BIRC6: variants seen among roughly 807,000 people sequenced by gnomAD.
BIRC6 encodes dual E2 ubiquitin-conjugating enzyme/E3 ubiquitin-protein ligase BIRC6.
In BIRC6, 98 loss-of-function variants were observed where a neutral mutation model predicts 503.3. That is an observed-to-expected ratio of 0.19 (90% CI 0.17 to 0.23). The LOEUF (loss-of-function observed/expected upper bound fraction) is 0.23, where lower values mean the gene tolerates loss of function less well. BIRC6 is among the 10% of genes least tolerant of loss of function. The pLI, the probability that BIRC6 is intolerant of heterozygous loss-of-function variation, is 1.00. For missense variants in BIRC6, 5,360 were observed against 5,806.0 expected (o/e 0.92, Z 2.50); for synonymous variants, 2,240 against 2,078.7 (o/e 1.08, Z -2.11).
intron 10 of BIRC6, among the ~76,000 whole-genome samples, chr2:32,423,327 A>G (rs1365276602): frequency 2.6e-5 from 4 of 152,014 alleles, no homozygotes; most frequent in African/African-American, 9.7e-5. Context: ...GAGGTTTACT[A>G]TTTTAACTGT....
intron 9 of BIRC6, among the ~76,000 whole-genome samples, chr2:32,410,375 C>T (rs2041730303): frequency 6.6e-6 from 1 of 152,230 alleles, no homozygotes; most frequent in South Asian, 2.1e-4. Context: ...AGAAAATATA[C>T]ATGAATATTG....
intron 9 of BIRC6, among the ~76,000 whole-genome samples, chr2:32,410,105 G>A (rs115836624): frequency 0.03 from 4,556 of 152,178 alleles, 130 homozygotes; most frequent in African/African-American, 0.082. Context: ...TTTTGTCATA[G>A]TATATACATA....
At position 32,508,096 on chromosome 2, in the gene BIRC6, G is replaced by A. The variant is rs2053986682; in HGVS notation, c.9817G>A (p.Glu3273Lys). The A allele has an allele frequency of 1.9e-6, 3 of 1,613,796 alleles. No individual in the cohort carries two copies. Among genetic ancestry groups the A allele is most frequent in the Middle Eastern group, 1.6e-4 (1 of 6,062 alleles). ...TYIKIQLVKA[E>K]VASAVCLRLH... The stretch of plus-strand genomic sequence containing the variant: ...CATAAAAATTCAGCTTGTAAAAGCC[G>A]AAGTAGCTTCTGCTGTCTGCCTTAG... The change falls in exon 51 of 74, where the codon GAA becomes AAA. Residue 3273 changes from glutamate to lysine, a missense_variant. Physicochemically the swap from Glu to Lys is moderately conservative, Grantham distance 56 (BLOSUM62 1). Around this residue, in one of 16 missense-constraint regions of BIRC6, gnomAD observed 62 missense variants for 107.4 expected, o/e 0.58. Coordinates refer to ENST00000421745, the MANE Select transcript of BIRC6 (RefSeq NM_016252.4).
At chr2:32,575,050 G>C in intron 65 of BIRC6, 106 bp from the exon 66 acceptor site, 4 of 1,228,092 alleles carry the variant, frequency 3.3e-6, no homozygotes, top group Middle Eastern at 2.1e-4. Flanking sequence ...GCCCAGCCGG[G>C]TCAGCTGTGG....
chr2:32,524,431 TCTTGAG>T (rs2056074622), intron 57 of BIRC6, among the ~76,000 whole-genome samples: 2 of 152,230 alleles, frequency 1.3e-5, no homozygotes, highest in Non-Finnish European at 2.9e-5. Flanking sequence ...ATAGACTGAA[TCTTGAG>T]CTTGAGTCCC....
At chr2:32,611,911 G>T (rs1258953299) in intron 73 of BIRC6, among the ~76,000 whole-genome samples, 2 of 151,960 alleles carry the variant, frequency 1.3e-5, no homozygotes, top group Non-Finnish European at 2.9e-5. Context: ...ATTTCATTCT[G>T]TTGTCCCAGC....
chr2:32,361,768 G>A (rs1194934770), intron 1 of BIRC6, among the ~76,000 whole-genome samples: 1 of 151,900 alleles, frequency 6.6e-6, no homozygotes, highest in Non-Finnish European at 1.5e-5. Flanking sequence ...GCCTTATTCA[G>A]AATGTCATAG....
chr2:32,463,011 A>G (rs2148859555), intron 23 of BIRC6, among the ~76,000 whole-genome samples, 183 bp from the exon 24 acceptor site: 1 of 151,742 alleles, frequency 6.6e-6, no homozygotes, highest in East Asian at 1.9e-4. Context: ...TGATAGTATT[A>G]TCAATATACT....
chr2:32,543,787 A>C (rs2057850372), intron 62 of BIRC6, among the ~76,000 whole-genome samples: 1 of 152,100 alleles, frequency 6.6e-6, no homozygotes, highest in Admixed American at 6.5e-5. Context: ...CACTGGGGGG[A>C]TGTAAACATG....
At chr2:32,394,859 AAAC>A (rs1346524020) in intron 5 of BIRC6, among the ~76,000 whole-genome samples, 5 of 152,090 alleles carry the variant, frequency 3.3e-5, no homozygotes, top group South Asian at 2.1e-4. Flanking sequence ...CTCTTTAAAA[AAAC>A]AACAAGAGGC....
chr2:32,605,367 G>A (rs1467030763), intron 71 of BIRC6, among the ~76,000 whole-genome samples: 1 of 152,080 alleles, frequency 6.6e-6, no homozygotes, highest in Non-Finnish European at 1.5e-5. Flanking sequence ...AAACCATATT[G>A]TGTCTCAAAG....
At chr2:32,411,173 G>A (rs1435151911) in intron 9 of BIRC6, among the ~76,000 whole-genome samples, 3 of 151,610 alleles carry the variant, frequency 2.0e-5, no homozygotes, top group Non-Finnish European at 4.4e-5. Flanking sequence ...CCAGTAGCTG[G>A]TATTACAGGC....
At chr2:32,465,185 A>ATTTTTTTTTTT in intron 26 of BIRC6, 21 bp downstream of exon 26, 4 of 847,166 alleles carry the variant, frequency 4.7e-6, no homozygotes, top group South Asian at 4.5e-5. Flanking sequence ...ACTTTCTTAA[A>ATTTTTTTTTTT]TTTTTTTTTT....
At chr2:32,616,560 CAAAAAAAAAAAA>C (rs201587938) in intron 73 of BIRC6, among the ~76,000 whole-genome samples, 1 of 99,126 alleles carries the variant, frequency 1.0e-5, no homozygotes, top group Non-Finnish European at 2.0e-5. Context: ...ACCTTGTTCT[CAAAAAAAAAAAA>C]AAAAAAAAAA....
In BIRC6 at chr2:32,482,697, C is replaced by T. The variant is rs76163660; in HGVS notation, c.7696+115C>T. Reference sequence around the variant, plus strand: ...GGGTGTATGCCAGTGGGTTTAGTATCACAGCTGTGCCGTGAGTACCATTCA... The same window carrying T: ...GGGTGTATGCCAGTGGGTTTAGTATTACAGCTGTGCCGTGAGTACCATTCA... On this transcript the variant is annotated intron_variant, in intron 39 of 73. Transcript: ENST00000421745. The T allele has an allele frequency of 3.2e-5, 35 of 1,090,534 alleles. No homozygotes were observed. In the East Asian group the frequency reaches 8.0e-4, roughly 25 times the overall value. The allele number at this position is 1,090,534 out of a possible 1,614,324, so 67.6% of individuals were successfully genotyped here. A position where few individuals can be genotyped will look rare whatever the true frequency, so the allele number is the denominator to read the frequency against.
intron 45 of BIRC6, among the ~76,000 whole-genome samples, chr2:32,494,793 C>T (rs1439795036): frequency 6.6e-6 from 1 of 151,882 alleles, no homozygotes; most frequent in African/African-American, 2.4e-5. Flanking sequence ...ACCTGTAATC[C>T]CAGCTACTGT....
intron 66 of BIRC6, among the ~76,000 whole-genome samples, chr2:32,592,791 C>T (rs895899870): frequency 7.2e-5 from 11 of 151,964 alleles, no homozygotes; most frequent in African/African-American, 2.7e-4. Flanking sequence ...GATGGGGTTT[C>T]TCCATGTTGT....
chr2:32,446,179 A>G (rs2045927470), intron 21 of BIRC6, among the ~76,000 whole-genome samples: 1 of 152,204 alleles, frequency 6.6e-6, no homozygotes, highest in Non-Finnish European at 1.5e-5. Flanking sequence ...TAACAGTTTG[A>G]TAAATCCTTA....
intron 35 of BIRC6, among the ~76,000 whole-genome samples, 152 bp downstream of exon 35, chr2:32,477,735 C>CAAAA (rs35168398): frequency 3.7e-5 from 4 of 108,620 alleles, no homozygotes; most frequent in East Asian, 2.5e-4. Flanking sequence ...CCCGTCTCTA[C>CAAAA]AAAAAAAAAA....
Sources: gnomAD v4.1 joint callset for allele counts (sites outside exome capture counted in the v4.1 genomes callset) on GRCh38, gnomAD v4.1.1 for gene constraint, gnomAD v4.1.1 regional missense constraint, MANE v1.5 for transcripts, NCBI Gene and HGNC (gene_info 2026-07-23, HGNC 2026-07-21) for gene names.